The following MNAT1 variants were observed in gnomAD, a reference collection of about 807,000 sequenced individuals.
MNAT1 encodes MNAT1 component of CDK activating kinase, also known as CDK-activating kinase assembly factor MAT1.
In MNAT1, 43 loss-of-function variants were observed where a neutral mutation model predicts 42.0. The ratio of observed to expected loss-of-function variants is 1.02; its 90% confidence interval spans 0.80 to 1.32. The LOEUF is 1.32. Ranked by LOEUF, MNAT1 falls within the 40% of genes most tolerant of loss-of-function variation. The pLI, the probability that MNAT1 is intolerant of heterozygous loss-of-function variation, is 0.00. For synonymous variants in MNAT1, 118 were observed against 120.0 expected, an observed-to-expected ratio of 0.98 and a Z score of 0.11; for missense variants, 306 against 350.4, an observed-to-expected ratio of 0.87 and a Z score of 1.01.
intron 6 of MNAT1, among the ~76,000 whole-genome samples, chr14:60,839,666 T>C (rs181366898): frequency 4.6e-4 from 70 of 152,310 alleles, no homozygotes; most frequent in African/African-American, 1.6e-3. Flanking sequence ...GACACCCTCT[T>C]TGGGGCTCTG....
At chr14:60,949,228 T>C (rs1329369590) in intron 7 of MNAT1, among the ~76,000 whole-genome samples, 1 of 152,180 alleles carries the variant, frequency 6.6e-6, no homozygotes, top group African/African-American at 2.4e-5. Context: ...CTTCTTTACT[T>C]CCTGTTGACT....
chr14:60,781,522 A>G (rs2031459454), intron 1 of MNAT1, among the ~76,000 whole-genome samples: 1 of 151,992 alleles, frequency 6.6e-6, no homozygotes, highest in African/African-American at 2.4e-5. Flanking sequence ...CTGATCTCAA[A>G]CTCCTGACCT....
intron 7 of MNAT1, among the ~76,000 whole-genome samples, chr14:60,888,835 ACTCC>A (rs1055497516): frequency 7.4e-6 from 1 of 134,914 alleles, no homozygotes; most frequent in Non-Finnish European, 1.6e-5. Context: ...TCATGAGTGA[ACTCC>A]CATTCACAAT....
At chr14:60,906,802 G>A (rs2035210131) in intron 7 of MNAT1, among the ~76,000 whole-genome samples, 1 of 152,138 alleles carries the variant, frequency 6.6e-6, no homozygotes, top group Non-Finnish European at 1.5e-5. Context: ...AAAATCTTTT[G>A]TTGGTCCAAG....
At chr14:60,864,175 G>T (rs950911111) in intron 6 of MNAT1, among the ~76,000 whole-genome samples, 1 of 151,802 alleles carries the variant, frequency 6.6e-6, no homozygotes, top group African/African-American at 2.4e-5. Context: ...GAATTGATAT[G>T]CTTTAATGAA....
chr14:60,810,722 T>G (rs955934929), intron 4 of MNAT1, among the ~76,000 whole-genome samples: 1 of 152,212 alleles, frequency 6.6e-6, no homozygotes, highest in Non-Finnish European at 1.5e-5. Flanking sequence ...CTTGGTATGA[T>G]TTCAGTCTTC....
At chr14:60,926,350 T>C (rs1456020531) in intron 7 of MNAT1, among the ~76,000 whole-genome samples, 1 of 152,182 alleles carries the variant, frequency 6.6e-6, no homozygotes, top group African/African-American at 2.4e-5. Context: ...TATCTGAAGA[T>C]AGTATCATAT....
At chr14:60,746,265 C>T (rs533912225) in intron 1 of MNAT1, among the ~76,000 whole-genome samples, 1 of 152,086 alleles carries the variant, frequency 6.6e-6, no homozygotes, top group East Asian at 1.9e-4. Flanking sequence ...CCTGTAATCC[C>T]AGCGCTTTGG....
chr14:60,869,739 T>C (rs1304461136), intron 6 of MNAT1, among the ~76,000 whole-genome samples: 2 of 152,192 alleles, frequency 1.3e-5, no homozygotes, highest in Non-Finnish European at 2.9e-5. Context: ...TCATGTTTAG[T>C]ATTTTTATTA....
intron 1 of MNAT1, among the ~76,000 whole-genome samples, chr14:60,787,580 T>C (rs1262266313): frequency 6.6e-6 from 1 of 152,208 alleles, no homozygotes; most frequent in Non-Finnish European, 1.5e-5. Context: ...CTGGAGCATG[T>C]GATGCTGTTT....
chr14:60,765,461 T>C (rs1000507859), intron 1 of MNAT1, among the ~76,000 whole-genome samples: 2 of 152,164 alleles, frequency 1.3e-5, no homozygotes, highest in Non-Finnish European at 2.9e-5. Flanking sequence ...CCATGGCATG[T>C]GTATACTTAT....
intron 7 of MNAT1, among the ~76,000 whole-genome samples, chr14:60,963,609 C>T (rs1048138996): frequency 1.3e-5 from 2 of 152,096 alleles, no homozygotes; most frequent in African/African-American, 4.8e-5. Flanking sequence ...GATCAGCTGG[C>T]TGATCTCTCT....
chr14:60,883,743 T>C (rs2034600923), intron 7 of MNAT1, among the ~76,000 whole-genome samples: 1 of 152,092 alleles, frequency 6.6e-6, no homozygotes, highest in Non-Finnish European at 1.5e-5. Flanking sequence ...TGTGTCCTCT[T>C]CAATTTTTTG....
chr14:60,873,261 C>G (rs2034367500), intron 6 of MNAT1, among the ~76,000 whole-genome samples: 1 of 151,898 alleles, frequency 6.6e-6, no homozygotes. Context: ...ACTGAAGAAA[C>G]CAGGCCACTT....
rs1036312292 is a variant in MNAT1, at chr14:60,764,101, A to G, written c.89+29150A>G. On this transcript the variant is annotated intron_variant, in intron 1 of 7. Transcript: ENST00000261245. ...CTATACACAGTACTGTCTTTTAATGATCACTTTTTAATGCGGTTAAGCCTG... is the reference window on the plus strand; with the variant it reads ...CTATACACAGTACTGTCTTTTAATGGTCACTTTTTAATGCGGTTAAGCCTG... Among the ~76,000 whole-genome samples the G allele has an allele frequency of 1.1e-3, 164 of 152,210 alleles. 1 individual carries two copies. Among genetic ancestry groups the G allele is most frequent in the African/African-American group, 3.8e-3 (159 of 41,530 alleles).
chr14:60,914,710 A>C (rs560963699), intron 7 of MNAT1, among the ~76,000 whole-genome samples: 1 of 152,332 alleles, frequency 6.6e-6, no homozygotes, highest in East Asian at 1.9e-4. Flanking sequence ...CTATTTGGTT[A>C]CATTATTTTA....
chr14:60,863,802 G>T (rs2034148358), intron 6 of MNAT1, among the ~76,000 whole-genome samples: 1 of 151,956 alleles, frequency 6.6e-6, no homozygotes, highest in African/African-American at 2.4e-5. Context: ...CATAAAACAT[G>T]TCTCTTAATT....
chr14:60,742,174 C>T (rs1448973595), intron 1 of MNAT1, among the ~76,000 whole-genome samples: 4 of 151,988 alleles, frequency 2.6e-5, no homozygotes, highest in Non-Finnish European at 5.9e-5. Flanking sequence ...CAACCTTGAA[C>T]TCAGGGGTTC....
chr14:60,797,563 ACTT>A (rs1450553235), intron 2 of MNAT1, among the ~76,000 whole-genome samples: 1 of 152,104 alleles, frequency 6.6e-6, no homozygotes, highest in Admixed American at 6.6e-5. Context: ...TCCTGATCCT[ACTT>A]CTTCTCCGTA....
Sources: gnomAD v4.1 joint callset for allele counts (sites outside exome capture counted in the v4.1 genomes callset) on GRCh38, gnomAD v4.1.1 for gene constraint, MANE v1.5 for transcripts, NCBI Gene and HGNC (gene_info 2026-07-23, HGNC 2026-07-21) for gene names.